The following CACNB2 variants were observed in gnomAD, a reference collection of about 807,000 sequenced individuals.
The protein encoded by CACNB2 is voltage-dependent L-type calcium channel subunit beta-2.
In CACNB2, 42 loss-of-function variants were observed where a neutral mutation model predicts 73.3. The ratio of observed to expected loss-of-function variants is 0.57; its 90% CI spans 0.45 to 0.74. CACNB2 has a LOEUF of 0.74. CACNB2 is among the 30% of genes least tolerant of loss of function. CACNB2 has a pLI of 0.00. For missense variants in CACNB2, 940 were observed against 853.0 expected (o/e 1.10, Z -1.27); for synonymous variants, 348 against 310.3 (o/e 1.12, Z -1.28).
intron 2 of CACNB2, among the ~76,000 whole-genome samples, chr10:18,290,401 G>T (rs187233598): frequency 6.8e-4 from 103 of 152,006 alleles, no homozygotes; most frequent in African/African-American, 2.4e-3. Flanking sequence ...AAATGTCTTT[G>T]TGCATATAAT....
chr10:18,472,618 G>A lies in CACNB2; in HGVS notation c.334-25737G>A, dbSNP rs187624728. Among the ~76,000 whole-genome samples the A allele has an allele frequency of 5.3e-5, 8 of 152,308 alleles. No homozygotes were observed. The East Asian group carries it at 1.5e-3, about 29-fold the overall frequency. The stretch of plus-strand genomic sequence containing the variant: ...CCTTAGCCTGTTAACCCATACAATG[G>A]AGGTTTAGGGAGTGGGTGGAAGAGC... On this transcript the variant is annotated intron_variant, in intron 3 of 13. Coordinates refer to ENST00000324631, the MANE Select transcript of CACNB2 (RefSeq NM_201596.3).
chr10:18,309,385 G>C (rs896254188), intron 2 of CACNB2, among the ~76,000 whole-genome samples: 9 of 152,224 alleles, frequency 5.9e-5, no homozygotes, highest in African/African-American at 1.9e-4. Flanking sequence ...GAGAACACAG[G>C]TGGTTGGGTC....
chr10:18,444,732 A>G (rs4748467), intron 3 of CACNB2, among the ~76,000 whole-genome samples: 21,795 of 152,222 alleles, frequency 0.14, 1,717 homozygotes, highest in South Asian at 0.24. Flanking sequence ...TAACAGCTTG[A>G]CAAAGATTGC....
chr10:18,341,281 A>C (rs142860244), intron 2 of CACNB2, among the ~76,000 whole-genome samples: 30 of 152,340 alleles, frequency 2.0e-4, no homozygotes, highest in Non-Finnish European at 3.8e-4. Flanking sequence ...CCAGCTATAG[A>C]CCAGCACTTG....
chr10:18,418,069 T>G (rs1175810939), intron 3 of CACNB2, among the ~76,000 whole-genome samples: 1 of 151,936 alleles, frequency 6.6e-6, no homozygotes, highest in African/African-American at 2.4e-5. Flanking sequence ...TGGTTTTTTG[T>G]TTGTTTGTTT....
intron 2 of CACNB2, among the ~76,000 whole-genome samples, chr10:18,350,024 A>G (rs1310477795): frequency 1.3e-5 from 2 of 152,092 alleles, no homozygotes; most frequent in Non-Finnish European, 2.9e-5. Context: ...TGGGTGGATC[A>G]CCTGAGGTCA....
intron 2 of CACNB2, among the ~76,000 whole-genome samples, chr10:18,349,690 T>C (rs1288056315): frequency 3.3e-5 from 5 of 150,316 alleles, no homozygotes; most frequent in Admixed American, 6.7e-5. Context: ...GGAGAGTTAG[T>C]GTCTAATGGG....
intron 2 of CACNB2, among the ~76,000 whole-genome samples, chr10:18,200,940 A>C (rs1271791849): frequency 6.6e-6 from 1 of 152,200 alleles, no homozygotes; most frequent in South Asian, 2.1e-4. Flanking sequence ...TTTGTGTTGA[A>C]ATTTACCTCC....
intron 3 of CACNB2, among the ~76,000 whole-genome samples, chr10:18,416,239 A>C (rs2044953352): frequency 6.6e-6 from 1 of 152,154 alleles, no homozygotes; most frequent in South Asian, 2.1e-4. Flanking sequence ...GGCTTATCTC[A>C]GCATGATATC....
At chr10:18,317,576 T>C (rs897592661) in intron 2 of CACNB2, among the ~76,000 whole-genome samples, 5 of 152,226 alleles carry the variant, frequency 3.3e-5, no homozygotes, top group Admixed American at 1.3e-4. Context: ...TATTCTTTTT[T>C]ATGGCTGCAT....
At chr10:18,165,237 G>T (rs1009747613) in intron 2 of CACNB2, among the ~76,000 whole-genome samples, 1 of 152,210 alleles carries the variant, frequency 6.6e-6, no homozygotes, top group East Asian at 1.9e-4. Context: ...GGGAAGGAAT[G>T]CGTCATCCGA....
chr10:18,265,439 A>G (rs2037752678), intron 2 of CACNB2, among the ~76,000 whole-genome samples: 1 of 152,112 alleles, frequency 6.6e-6, no homozygotes, highest in Admixed American at 6.6e-5. Context: ...CCATTTAGCC[A>G]TCTTCTTTTG....
chr10:18,157,376 T>C (rs931166610), intron 2 of CACNB2, among the ~76,000 whole-genome samples: 10 of 152,166 alleles, frequency 6.6e-5, no homozygotes, highest in African/African-American at 2.4e-4. Context: ...CTTTTTCCTC[T>C]GGAAAAAAAA....
intron 5 of CACNB2, among the ~76,000 whole-genome samples, chr10:18,501,158 T>C (rs1385183003): frequency 6.6e-6 from 1 of 152,234 alleles, no homozygotes; most frequent in East Asian, 1.9e-4. Context: ...AAGTGTCAAA[T>C]TATTATCATT....
intron 3 of CACNB2, among the ~76,000 whole-genome samples, chr10:18,485,932 A>G (rs1047266985): frequency 1.6e-5 from 2 of 125,502 alleles, no homozygotes; most frequent in African/African-American, 6.2e-5. Flanking sequence ...TTTTTTTTTC[A>G]TTTCTCTAAA....
intron 2 of CACNB2, among the ~76,000 whole-genome samples, chr10:18,203,520 A>G (rs978209929): frequency 6.6e-6 from 1 of 151,778 alleles, no homozygotes; most frequent in Non-Finnish European, 1.5e-5. Context: ...ATTTTTCCAC[A>G]TTACATCAAT....
intron 2 of CACNB2, among the ~76,000 whole-genome samples, chr10:18,209,496 A>T (rs2035231399): frequency 1.3e-5 from 2 of 152,198 alleles, no homozygotes; most frequent in South Asian, 4.1e-4. Context: ...ACAACTTGAT[A>T]CTTATATTTG....
intron 8 of CACNB2, 94 bp from the exon 9 acceptor site, chr10:18,518,816 G>C (rs1287205952): frequency 1.1e-5 from 13 of 1,170,066 alleles, no homozygotes; most frequent in Middle Eastern, 2.4e-4. Context: ...GCAAAGCTCA[G>C]GTTTTCAAGC....
chr10:18,367,587 A>T (rs2042407995), intron 2 of CACNB2, among the ~76,000 whole-genome samples: 1 of 152,178 alleles, frequency 6.6e-6, no homozygotes, highest in Non-Finnish European at 1.5e-5. Context: ...TTAAATGTTT[A>T]AAAAAGTATT....
Sources: allele counts gnomAD v4.1 joint callset (sites outside exome capture counted in the v4.1 genomes callset), GRCh38; gene constraint gnomAD v4.1.1; transcripts MANE v1.5; gene names NCBI Gene and HGNC (gene_info 2026-07-23, HGNC 2026-07-21).